Variants in OPCML observed in about 807,000 individuals in gnomAD.
The protein encoded by OPCML is opioid binding protein/cell adhesion molecule like, also known as opioid-binding protein/cell adhesion molecule.
In OPCML, 13 loss-of-function variants were observed where a neutral mutation model predicts 37.8. The observed-to-expected ratio is 0.34, with a 90% CI of 0.22 to 0.55. OPCML has a LOEUF of 0.55. Ranked by LOEUF, OPCML falls within the 20% of genes least tolerant of loss-of-function variation. The pLI, the probability that OPCML is intolerant of heterozygous loss-of-function variation, is 0.91. For synonymous variants in OPCML, 176 were observed against 168.8 expected (o/e 1.04, Z -0.33); for missense variants, 341 against 435.6 (o/e 0.78, Z 1.93).
In OPCML at chr11:133,212,151, AC is replaced by A. The variant is rs1939388470; in HGVS notation, c.62-269142del. On this transcript the variant is annotated intron_variant, in intron 1 of 7. Coordinates refer to ENST00000524381, the MANE Select transcript of OPCML (RefSeq NM_001012393.5). This position sits in a 1 kb window ranked among gnomAD's most constrained non-coding sequence, Gnocchi z 4.9. ...GGAACCTGAGCATGAAAGTACCCAC[AC>A]CACCACCAATCACAACATCATAATG... is the stretch of plus-strand genomic sequence containing the variant. Among the ~76,000 whole-genome samples, 1 of 152,094 alleles carries A rather than the reference AC, an allele frequency of 6.6e-6. No individual in the cohort carries two copies.
intron 4 of OPCML, among the ~76,000 whole-genome samples, chr11:132,464,034 T>C (rs1266013641): frequency 1.3e-5 from 2 of 152,230 alleles, no homozygotes; most frequent in African/African-American, 2.4e-5. Flanking sequence ...CTGTAATTTA[T>C]GTAACTTAGC....
chr11:133,160,986 T>G (rs1018588524), intron 1 of OPCML, among the ~76,000 whole-genome samples: 1 of 152,196 alleles, frequency 6.6e-6, no homozygotes, highest in South Asian at 2.1e-4. Flanking sequence ...CCCAGGTACA[T>G]GGAGCTGGAT....
intron 2 of OPCML, among the ~76,000 whole-genome samples, chr11:132,782,909 T>G (rs1174824777): frequency 3.8e-5 from 4 of 106,160 alleles, no homozygotes; most frequent in South Asian, 2.9e-4. Flanking sequence ...AATATATATA[T>G]AGTGTGTGTA....
At chr11:133,397,769 TA>T (rs1323107445) in intron 1 of OPCML, among the ~76,000 whole-genome samples, 1 of 152,218 alleles carries the variant, frequency 6.6e-6, no homozygotes, top group African/African-American at 2.4e-5. Context: ...ACAGAATTTA[TA>T]AAAAGGGCTT....
intron 1 of OPCML, among the ~76,000 whole-genome samples, chr11:133,184,879 C>T (rs755806776): frequency 7.9e-5 from 12 of 152,180 alleles, no homozygotes; most frequent in Admixed American, 1.3e-4. Flanking sequence ...TCCCGCAGGA[C>T]GTTTTCTAGT....
At chr11:133,113,785 G>T (rs186366455) in intron 1 of OPCML, among the ~76,000 whole-genome samples, 6 of 152,190 alleles carry the variant, frequency 3.9e-5, no homozygotes, top group Non-Finnish European at 7.3e-5. Context: ...TTTCCCCACA[G>T]TGTGAATAAG....
intron 3 of OPCML, among the ~76,000 whole-genome samples, chr11:132,598,192 G>C (rs1474231719): frequency 6.6e-6 from 1 of 152,070 alleles, no homozygotes; most frequent in East Asian, 1.9e-4. Flanking sequence ...TCGCAGTCTA[G>C]CTCTCTTCCA....
chr11:133,175,184 T>C (rs1950349539), intron 1 of OPCML, among the ~76,000 whole-genome samples: 1 of 152,156 alleles, frequency 6.6e-6, no homozygotes, highest in South Asian at 2.1e-4. Context: ...AAAAGGAGAC[T>C]ATGTTGTATT....
At chr11:133,022,709 C>T (rs1947476590) in intron 1 of OPCML, among the ~76,000 whole-genome samples, 1 of 152,062 alleles carries the variant, frequency 6.6e-6, no homozygotes, top group South Asian at 2.1e-4. Context: ...TTTGGTGACG[C>T]ACCATGGAAA....
chr11:132,595,874 G>A (rs2096491676), intron 3 of OPCML, among the ~76,000 whole-genome samples: 1 of 152,216 alleles, frequency 6.6e-6, no homozygotes, highest in African/African-American at 2.4e-5. Context: ...TCAGCTAAGA[G>A]CCATGGACAG....
intron 1 of OPCML, among the ~76,000 whole-genome samples, chr11:133,033,541 A>G (rs1947711207): frequency 6.6e-6 from 1 of 152,230 alleles, no homozygotes; most frequent in African/African-American, 2.4e-5. Flanking sequence ...ATAGCTTCTC[A>G]TTTGCAACTT....
rs75921210 is a variant in OPCML at position 132,872,148 on chromosome 11, G to T, written c.146+70778C>A. Among the ~76,000 whole-genome samples the T allele has an allele frequency of 7.7e-3, 1,170 of 152,268 alleles. 23 individuals carry two copies. Among genetic ancestry groups the T allele is most frequent in the African/African-American group, 0.026 (1,065 of 41,552 alleles). ...TTTATCAATGACTTACTAGAACATT[G>T]CCTGGGACATAGTTTGTGCTCAAAG... On this transcript the variant is annotated intron_variant, in intron 2 of 7. Coordinates refer to ENST00000524381, the MANE Select transcript of OPCML (RefSeq NM_001012393.5).
At chr11:132,543,927 G>A (rs2096363084) in intron 3 of OPCML, among the ~76,000 whole-genome samples, 1 of 152,054 alleles carries the variant, frequency 6.6e-6, no homozygotes, top group South Asian at 2.1e-4. Context: ...AACCTGGAGA[G>A]TCTGGAAATG....
At chr11:132,834,523 T>C (rs984282225) in intron 2 of OPCML, among the ~76,000 whole-genome samples, 3 of 152,312 alleles carry the variant, frequency 2.0e-5, no homozygotes, top group African/African-American at 7.2e-5. Flanking sequence ...CCTCCTTGCC[T>C]CTTCTAGCAT....
intron 2 of OPCML, among the ~76,000 whole-genome samples, chr11:132,777,721 G>A (rs1946854977): frequency 1.3e-5 from 2 of 152,012 alleles, no homozygotes; most frequent in Admixed American, 6.6e-5. Flanking sequence ...GAGTGGAGCA[G>A]GAGGTGGAGA....
At chr11:132,533,256 T>C (rs949405443) in intron 3 of OPCML, among the ~76,000 whole-genome samples, 19 of 152,314 alleles carry the variant, frequency 1.2e-4, no homozygotes, top group East Asian at 1.9e-4. Flanking sequence ...GGCCTTTGCA[T>C]AGATTGTGCA....
At chr11:133,248,271 G>C (rs1941016354) in intron 1 of OPCML, among the ~76,000 whole-genome samples, 1 of 152,164 alleles carries the variant, frequency 6.6e-6, no homozygotes, top group South Asian at 2.1e-4. Flanking sequence ...AAATACAAGA[G>C]AGCACATGGA....
chr11:132,615,272 G>A (rs1310220211), intron 3 of OPCML, among the ~76,000 whole-genome samples: 1 of 152,146 alleles, frequency 6.6e-6, no homozygotes, highest in Non-Finnish European at 1.5e-5. Flanking sequence ...GGGAAAGGGT[G>A]CAAGTTATAA....
intron 2 of OPCML, among the ~76,000 whole-genome samples, chr11:132,879,876 T>C (rs1053594751): frequency 6.6e-6 from 1 of 152,250 alleles, no homozygotes; most frequent in Non-Finnish European, 1.5e-5. Context: ...TGTACCATCA[T>C]ACCTTCTTTA....
Sources: allele counts gnomAD v4.1 joint callset (sites outside exome capture counted in the v4.1 genomes callset), GRCh38; gene constraint gnomAD v4.1.1; non-coding constraint Gnocchi (gnomAD v3.1); transcripts MANE v1.5; gene names NCBI Gene and HGNC (gene_info 2026-07-23, HGNC 2026-07-21).